Variants in C16orf89 observed in about 807,000 individuals in gnomAD.
The protein encoded by C16orf89 is chromosome 16 open reading frame 89.
C16orf89 carries 57 observed loss-of-function variants against 41.5 expected under a neutral mutation model. That is an observed-to-expected ratio of 1.38 (90% CI 1.11 to 1.71). C16orf89 has a LOEUF of 1.71. Ranked by LOEUF, C16orf89 falls within the 40% of genes most tolerant of loss-of-function variation. The probability of loss-of-function intolerance (pLI) is 0.00; values close to 1 mark genes in which losing one functional copy is unlikely to be tolerated. For synonymous variants in C16orf89, 223 were observed against 190.6 expected, an observed-to-expected ratio of 1.17 and a Z score of -1.40; for missense variants, 575 against 445.9, an observed-to-expected ratio of 1.29 and a Z score of -2.61.
intron 1 of C16orf89, among the ~76,000 whole-genome samples, chr16:5,062,962 C>T (rs946263376): frequency 6.6e-6 from 1 of 152,160 alleles, no homozygotes; most frequent in Non-Finnish European, 1.5e-5. Context: ...TGCACAAGGG[C>T]AACACACATT....
At chr16:5,046,780 C>A (rs1190695241) in intron 7 of C16orf89, among the ~76,000 whole-genome samples, 1 of 152,092 alleles carries the variant, frequency 6.6e-6, no homozygotes, top group Non-Finnish European at 1.5e-5. Flanking sequence ...TATTTCTTGC[C>A]TTTCTTCCCA....
At chr16:5,044,050 T>G, downstream of C16orf89, 5 of 897,724 alleles carry the variant, frequency 5.6e-6, no homozygotes, top group Non-Finnish European at 6.9e-6. Flanking sequence ...TGAGTGGGAT[T>G]GGAGAGTTGA....
At chr16:5,053,685 A>G (rs928153916) in intron 6 of C16orf89, among the ~76,000 whole-genome samples, 2 of 152,004 alleles carry the variant, frequency 1.3e-5, no homozygotes, top group Non-Finnish European at 2.9e-5. Flanking sequence ...CCGGGACCAT[A>G]GGTGTGCGCC....
Position 5,064,557 on chromosome 16 carries a change from T to G in C16orf89, c.208+1144A>C, listed in dbSNP as rs149585766. 8.4e-3 allele frequency among the ~76,000 whole-genome samples: 1,286 copies of G among 152,258 alleles called. 10 individuals carry two copies. The highest frequency in any genetic ancestry group is 0.024 in the Middle Eastern group (7 of 294). On this transcript the variant is annotated intron_variant, in intron 1 of 7. Transcript: ENST00000472572. ...AGTTAACTCAGTGCCATGCAGCCAG[T>G]TGGGGGAGATCCAGGATTTGAACCT...
chr16:5,044,491 GC>G lies in C16orf89; in HGVS notation c.956-14del. ...GAGGAGCAGCCATCTAGGGGAGAGA[GC>G]CCCCATGAGTGCTGGGTGGCAAGAA... On this transcript the variant is annotated splice_polypyrimidine_tract_variant and intron_variant, in intron 7 of 7. Coordinates refer to ENST00000472572, the MANE Select transcript of C16orf89 (RefSeq NM_001098514.3). 1 of 1,611,514 alleles carries G rather than the reference GC, an allele frequency of 6.2e-7. No individual in the cohort carries two copies. The highest frequency in any genetic ancestry group is 8.5e-7 in the Non-Finnish European group (1 of 1,179,180).
chr16:5,058,670 C>G, intron 3 of C16orf89, 60 bp from the exon 4 acceptor site: 1 of 1,383,752 alleles, frequency 7.2e-7, no homozygotes, highest in East Asian at 2.5e-5. Context: ...CTGCGTCTTC[C>G]CAGCCCCCTA....
chr16:5,047,829 A>G, intron 7 of C16orf89, 49 bp downstream of exon 7: 1 of 1,052,728 alleles, frequency 9.5e-7, no homozygotes, highest in Non-Finnish European at 1.5e-6. Flanking sequence ...CTGTTTTGCT[A>G]GGATATCTTA....
At position 5,060,366 on chromosome 16, in the gene C16orf89, C is replaced by T. The variant is rs1956591405; in HGVS notation, c.429G>A (p.Leu143=). The part of the protein sequence containing the change: ...PHAWIHTDAS[L]VYPTFGPQDS... Reference sequence around the variant, plus strand: ...CCTGGGGCCCGAACGTGGGGTACACCAAGGAGGCATCAGTGTGGATCCAGG... The same window carrying T: ...CCTGGGGCCCGAACGTGGGGTACACTAAGGAGGCATCAGTGTGGATCCAGG... The change falls in exon 3 of 8, where the codon TTG becomes TTA. Residue 143 remains leucine (L), a synonymous_variant. Transcript: ENST00000472572. The T allele has an allele frequency of 1.2e-6, 2 of 1,613,550 alleles. No individual in the cohort carries two copies. Among genetic ancestry groups the T allele is most frequent in the African/African-American group, 2.7e-5 (2 of 75,028 alleles).
At chr16:5,056,740 G>T (rs1956516057) in intron 4 of C16orf89, among the ~76,000 whole-genome samples, 1 of 152,170 alleles carries the variant, frequency 6.6e-6, no homozygotes, top group Non-Finnish European at 1.5e-5. Context: ...CTTTCCACCT[G>T]CTGAATCTAA....
At chr16:5,050,087 G>C (rs1267694834) in intron 6 of C16orf89, among the ~76,000 whole-genome samples, 1 of 152,190 alleles carries the variant, frequency 6.6e-6, no homozygotes, top group Non-Finnish European at 1.5e-5. Flanking sequence ...AGTGGAGTGT[G>C]CTGGGTGTGG....
intron 6 of C16orf89, among the ~76,000 whole-genome samples, chr16:5,049,770 G>A (rs1284496990): frequency 6.6e-6 from 1 of 151,882 alleles, no homozygotes; most frequent in African/African-American, 2.4e-5. Flanking sequence ...TTCAAATAAC[G>A]AACTAATGAT....
At chr16:5,054,226 C>T (rs758261016) in intron 6 of C16orf89, among the ~76,000 whole-genome samples, 2 of 152,320 alleles carry the variant, frequency 1.3e-5, no homozygotes, top group Non-Finnish European at 2.9e-5. Context: ...AAATGTATTA[C>T]GTTGACTCTC....
In C16orf89 at chr16:5,044,715, G is replaced by T. The variant is rs375209864; in HGVS notation, c.956-237C>A. 17 of 975,148 alleles carry T rather than the reference G, an allele frequency of 1.7e-5. No homozygotes were observed. The African/African-American group carries it at 2.3e-4, about 13-fold the overall frequency. 60.4% of individuals were successfully genotyped at this position (975,148 alleles called of 1,614,324 possible). Reference sequence around the variant, plus strand: ...AAAAATTAGCCAGGTATGGTGGCACGCTCCTGTAGTCCCAGCTACTCGGGA... The same window carrying T: ...AAAAATTAGCCAGGTATGGTGGCACTCTCCTGTAGTCCCAGCTACTCGGGA... On this transcript the variant is annotated intron_variant, in intron 7 of 7. Transcript: ENST00000472572.
At chr16:5,055,921 G>A (rs937382123) in intron 5 of C16orf89, 132 bp downstream of exon 5, 12 of 1,257,538 alleles carry the variant, frequency 9.5e-6, no homozygotes, top group Admixed American at 2.1e-5. Flanking sequence ...ATTTTTACTT[G>A]CTTAATCTGG....
In C16orf89 at chr16:5,058,611, C is replaced by T; in HGVS notation, c.510-1G>A. On this transcript the variant is annotated splice_acceptor_variant, in intron 3 of 7. Coordinates refer to ENST00000472572, the MANE Select transcript of C16orf89 (RefSeq NM_001098514.3). LOFTEE classifies it high-confidence loss of function. ...GCCGCAGGGCTCGCTGCTGTCCGTC[C>T]TGGGGGAAAGTGGTTCCAAGCTGTT... 3 of 1,608,398 alleles carry T rather than the reference C, an allele frequency of 1.9e-6. No homozygotes were observed. The highest frequency in any genetic ancestry group is 2.5e-6 in the Non-Finnish European group (3 of 1,176,694).
chr16:5,046,558 C>T lies in C16orf89; in HGVS notation c.955+1320G>A, dbSNP rs577368278. Reference sequence around the variant, plus strand: ...TAGAGATGGGGTTTCACCATGTTGGCCAGGCTGGTCTCAAACTTCTGACCT... The same window carrying T: ...TAGAGATGGGGTTTCACCATGTTGGTCAGGCTGGTCTCAAACTTCTGACCT... On this transcript the variant is annotated intron_variant, in intron 7 of 7. Coordinates refer to ENST00000472572, the MANE Select transcript of C16orf89 (RefSeq NM_001098514.3). Among the ~76,000 whole-genome samples the T allele has an allele frequency of 3.5e-3, 525 of 152,168 alleles. 8 individuals carry two copies. Among genetic ancestry groups the T allele is most frequent in the African/African-American group, 0.012 (510 of 41,516 alleles).
chr16:5,050,406 G>T (rs981769441), intron 6 of C16orf89, among the ~76,000 whole-genome samples: 2 of 151,884 alleles, frequency 1.3e-5, no homozygotes, highest in Non-Finnish European at 2.9e-5. Context: ...TGGATAAATT[G>T]CTGGACACAT....
rs1956647549 is a variant in C16orf89 at position 5,062,525 on chromosome 16, C to T, written c.258G>A (p.Gln86=). The change falls in exon 2 of 8, where the codon CAG becomes CAA. Residue 86 remains glutamine, a synonymous_variant. Transcript: ENST00000472572. The part of the protein sequence containing the change: ...REKWAQEPLL[Q]PLSLRVGMLG... The stretch of plus-strand genomic sequence containing the variant: ...GCATCCCCACGCGCAGGCTCAGCGG[C>T]TGCAGCAGGGGCTCCTGGGCCCACT... 6.2e-7 allele frequency: 1 copy of T among 1,613,962 alleles called. No homozygotes were observed. Among genetic ancestry groups the T allele is most frequent in the Admixed American group, 1.7e-5 (1 of 60,000 alleles).
chr16:5,061,321 C>G (rs1472732966), intron 2 of C16orf89, among the ~76,000 whole-genome samples: 6 of 135,652 alleles, frequency 4.4e-5, no homozygotes, highest in Non-Finnish European at 7.7e-5. Flanking sequence ...GTCCCAGCTA[C>G]TTGAGAGAGG....
Sources: gnomAD v4.1 joint callset for allele counts (sites outside exome capture counted in the v4.1 genomes callset) on GRCh38, gnomAD v4.1.1 for gene constraint, MANE v1.5 for transcripts, NCBI Gene and HGNC (gene_info 2026-07-23, HGNC 2026-07-21) for gene names.